AFP: variants seen among roughly 807,000 people sequenced by gnomAD.
The protein encoded by AFP is alpha-fetoprotein.
A neutral mutation model predicts 78.9 loss-of-function variants in AFP; 64 were observed. The ratio of observed to expected loss-of-function variants is 0.81; its 90% CI spans 0.66 to 1.00. AFP has a LOEUF of 1.00. Among genes scored for constraint, AFP ranks in the 50% least tolerant of loss-of-function variants. The pLI is 0.00. For missense variants in AFP, 689 were observed against 703.8 expected, an observed-to-expected ratio of 0.98 and a Z score of 0.24; for synonymous variants, 254 against 243.8, an observed-to-expected ratio of 1.04 and a Z score of -0.39.
Position 73,440,708 on chromosome 4 carries a change from T to C in AFP, c.377T>C (p.Leu126Pro). The C allele has an allele frequency of 1.9e-6, 3 of 1,614,194 alleles. No individual in the cohort carries two copies. The highest frequency in any genetic ancestry group is 2.5e-6 in the Non-Finnish European group (3 of 1,180,044). ...GAAGAGGGAAGACATAACTGTTTTC[T>C]TGCACACAAAAAGCCCACTCCAGCA... ...QSEEGRHNCFLAHKKPTPASI... is the reference protein window; with the variant it reads ...QSEEGRHNCFPAHKKPTPASI... The change falls in exon 4 of 15, where the codon CTT (leucine) becomes CCT (proline). Residue 126 changes from leucine to proline, a missense_variant. Transcript: ENST00000395792.
intron 7 of AFP, among the ~76,000 whole-genome samples, chr4:73,446,072 C>T (rs1197930015): frequency 1.3e-5 from 2 of 152,258 alleles, no homozygotes; most frequent in East Asian, 1.9e-4. Context: ...TCAGCCCATC[C>T]GATGGCAATT....
At chr4:73,452,709 T>C (rs1577959810) in intron 12 of AFP, 85 bp downstream of exon 12, 1 of 1,075,040 alleles carries the variant, frequency 9.3e-7, no homozygotes, top group Non-Finnish European at 1.4e-6. Flanking sequence ...CCTAACACTA[T>C]TGGGCTCACT....
In AFP at chr4:73,455,454, T is replaced by C. The variant is rs979131756; in HGVS notation, c.*10+164T>C. On this transcript the variant is annotated intron_variant, in intron 14 of 14. Coordinates refer to ENST00000395792, the MANE Select transcript of AFP (RefSeq NM_001134.3). ...CTTGAACAAAATTACGCACACAATG[T>C]TAAATTAGTGGCTCAACTATGCAAA... 1.4e-5 allele frequency: 9 copies of C among 666,200 alleles called. No individual in the cohort carries two copies. In the African/African-American group the frequency reaches 1.5e-4, roughly 11 times the overall value. 41.3% of individuals were successfully genotyped at this position (666,200 alleles called of 1,614,324 possible).
At position 73,441,592 on chromosome 4, in the gene AFP, T is replaced by C. The variant is rs919930724; in HGVS notation, c.483-704T>C. Among the ~76,000 whole-genome samples the C allele has an allele frequency of 2.8e-5, 4 of 144,674 alleles. No individual in the cohort carries two copies. In the South Asian group the frequency reaches 8.8e-4, roughly 32 times the overall value. The allele number at this position is 144,674 out of a possible 152,430, so 94.9% of individuals were successfully genotyped here. A position where few individuals can be genotyped will look rare whatever the true frequency, so the allele number is the denominator to read the frequency against. ...CAAAAAAAAAAAAAAAAAAAGGATGTTGTGGAAACATGTCTGCTTGCACAG... is the reference window on the plus strand; with the variant it reads ...CAAAAAAAAAAAAAAAAAAAGGATGCTGTGGAAACATGTCTGCTTGCACAG... On this transcript the variant is annotated intron_variant, in intron 4 of 14. Coordinates refer to ENST00000395792, the MANE Select transcript of AFP (RefSeq NM_001134.3).
intron 13 of AFP, 42 bp downstream of exon 13, chr4:73,453,939 AT>A (rs765162181): frequency 1.9e-6 from 3 of 1,612,178 alleles, no homozygotes; most frequent in Non-Finnish European, 2.5e-6. Flanking sequence ...TTGCTATGGA[AT>A]TTTCTGTAGT....
At chr4:73,446,514 C>T (rs947784183) in intron 7 of AFP, among the ~76,000 whole-genome samples, 1 of 152,134 alleles carries the variant, frequency 6.6e-6, no homozygotes, top group Non-Finnish European at 1.5e-5. Context: ...TCTCTCTGGC[C>T]ACTTAGGTGC....
chr4:73,444,877 C>A, intron 6 of AFP, 116 bp from the exon 7 acceptor site: 2 of 928,556 alleles, frequency 2.2e-6, no homozygotes, highest in East Asian at 2.8e-5. Context: ...TTTTAAACAA[C>A]AAGGGAATTT....
At position 73,450,664 on chromosome 4, in the gene AFP, C is replaced by T. The variant is rs199981870; in HGVS notation, c.1339C>T (p.Leu447=). 7.7e-5 allele frequency: 125 copies of T among 1,614,050 alleles called. No individual in the cohort carries two copies. The highest frequency in any genetic ancestry group is 1.0e-4 in the Non-Finnish European group (122 of 1,180,020). Residue 447 remains leucine, a synonymous_variant, in exon 11 of 15, where the codon CTG becomes TTG. Transcript: ENST00000395792. ...KKAPQLTSSE[L]MAITRKMAAT... ...AGCCCCCCAGCTGACCTCGTCGGAG[C>T]TGATGGCCATCACCAGAAAAATGGC...
At position 73,447,478 on chromosome 4, in the gene AFP, A is replaced by G. The variant is rs1471988479; in HGVS notation, c.860A>G (p.Tyr287Cys). The G allele has an allele frequency of 1.9e-6, 3 of 1,609,200 alleles. No homozygotes were observed. In the African/African-American group the frequency reaches 4.0e-5, roughly 22 times the overall value. The change falls in exon 8 of 15, where the codon TAC becomes TGC. Residue 287 changes from tyrosine to cysteine, a missense_variant. Transcript: ENST00000395792. ...CLQDGEKIMS[Y>C]ICSQQDTLSN... ...CTGTTGCAGGAAAAAATCATGTCCTACATATGTTCTCAACAAGACACTCTG... is the reference window on the plus strand; with the variant it reads ...CTGTTGCAGGAAAAAATCATGTCCTGCATATGTTCTCAACAAGACACTCTG...
At chr4:73,445,900 G>A (rs1165921578) in intron 7 of AFP, among the ~76,000 whole-genome samples, 1 of 152,154 alleles carries the variant, frequency 6.6e-6, no homozygotes, top group Admixed American at 6.5e-5. Flanking sequence ...AGAGAGGACT[G>A]TTGACCCTCA....
rs565530854 is a variant in AFP at position 73,446,025 on chromosome 4, T to G, written c.843+903T>G. Among the ~76,000 whole-genome samples the G allele has an allele frequency of 1.6e-4, 25 of 152,236 alleles. 2 individuals are homozygous for G. In the South Asian group the frequency reaches 5.2e-3, roughly 32 times the overall value. On this transcript the variant is annotated intron_variant, in intron 7 of 14. Transcript: ENST00000395792. ...CTTGATAACCAGCACTGGACTATGG[T>G]TTCCAGAAGGCTGAAAGTGAAGATA...
rs764792909 is a variant in AFP at position 73,442,446 on chromosome 4, A to G, written c.615+18A>G. The G allele has an allele frequency of 1.4e-5, 22 of 1,613,630 alleles. No individual in the cohort carries two copies. In the African/African-American group the frequency reaches 2.3e-4, roughly 17 times the overall value. On this transcript the variant is annotated intron_variant, in intron 5 of 14. Coordinates refer to ENST00000395792, the MANE Select transcript of AFP (RefSeq NM_001134.3). ...AAACAAAGGTATCATATTTGCGTGG[A>G]TATCTGAACCAGTACTGTAGTCTAT... is the stretch of plus-strand genomic sequence containing the variant.
At chr4:73,442,194 G>A in intron 4 of AFP, 102 bp from the exon 5 acceptor site, 2 of 1,159,256 alleles carry the variant, frequency 1.7e-6, no homozygotes, top group Admixed American at 4.0e-5. Flanking sequence ...TTTTGTTGTT[G>A]TTGTTTTTGA....
At chr4:73,452,368 C>A (rs1720020006) in intron 11 of AFP, 33 bp from the exon 12 acceptor site, 1 of 1,587,434 alleles carries the variant, frequency 6.3e-7, no homozygotes, top group Admixed American at 1.7e-5. Context: ...AATGCCCAAT[C>A]TCCTTACTTT....
At chr4:73,449,236 C>A in intron 8 of AFP, 99 bp from the exon 9 acceptor site, 12 of 1,089,246 alleles carry the variant, frequency 1.1e-5, no homozygotes, top group Non-Finnish European at 1.5e-5. Context: ...TTGAATTTAA[C>A]TTCCACATGC....
chr4:73,443,265 CTTG>C (rs1357073435), intron 5 of AFP, 79 bp from the exon 6 acceptor site: 11 of 1,046,782 alleles, frequency 1.1e-5, no homozygotes, highest in East Asian at 2.5e-5. Flanking sequence ...TTTACCTATA[CTTG>C]TTGTTTTTCT....
intron 4 of AFP, 35 bp downstream of exon 4, chr4:73,440,848 A>G (rs1172483356): frequency 6.3e-7 from 1 of 1,578,864 alleles, no homozygotes; most frequent in Non-Finnish European, 8.7e-7. Flanking sequence ...TGCAAACCTC[A>G]GAAACACAGC....
intron 4 of AFP, among the ~76,000 whole-genome samples, chr4:73,441,986 G>A (rs529052791): frequency 6.6e-6 from 1 of 152,272 alleles, no homozygotes; most frequent in South Asian, 2.1e-4. Context: ...AAACATATCT[G>A]AGTAGGCTTA....
chr4:73,439,457 AG>A (rs1232289266), intron 3 of AFP, among the ~76,000 whole-genome samples: 2 of 152,354 alleles, frequency 1.3e-5, no homozygotes, highest in East Asian at 3.9e-4. Context: ...TAAAAAAACA[AG>A]AATACATTAT....
Sources: gnomAD v4.1 joint callset for allele counts (sites outside exome capture counted in the v4.1 genomes callset) on GRCh38, gnomAD v4.1.1 for gene constraint, MANE v1.5 for transcripts, NCBI Gene and HGNC (gene_info 2026-07-23, HGNC 2026-07-21) for gene names.